Variants in PLD1 observed in about 807,000 individuals in gnomAD.
PLD1 encodes choline phosphatase 1.
A neutral mutation model predicts 137.1 loss-of-function variants in PLD1; 112 were observed. That is an observed-to-expected ratio of 0.82 (90% CI 0.70 to 0.96). PLD1 has a LOEUF of 0.96. PLD1 is among the 40% of genes least tolerant of loss of function. The pLI, the probability that PLD1 is intolerant of heterozygous loss-of-function variation, is 0.00. For synonymous variants in PLD1, 431 were observed against 454.7 expected, an observed-to-expected ratio of 0.95 and a Z score of 0.66; for missense variants, 1,321 against 1,342.0, an observed-to-expected ratio of 0.98 and a Z score of 0.24.
intron 6 of PLD1, among the ~76,000 whole-genome samples, chr3:171,732,404 T>C (rs1363484225): frequency 6.6e-6 from 1 of 152,154 alleles, no homozygotes; most frequent in Non-Finnish European, 1.5e-5. Flanking sequence ...AAGCTGCTGC[T>C]GGAGGCAGGT....
chr3:171,664,494 G>A (rs1250423125), intron 19 of PLD1, among the ~76,000 whole-genome samples: 1 of 147,146 alleles, frequency 6.8e-6, no homozygotes, highest in Non-Finnish European at 1.5e-5. Context: ...GTCTTGTTCT[G>A]TTGCCCAGGC....
intron 12 of PLD1, among the ~76,000 whole-genome samples, chr3:171,697,270 A>T (rs1715821615): frequency 8.2e-6 from 1 of 122,566 alleles, no homozygotes; most frequent in Non-Finnish European, 1.6e-5. Context: ...TTTGAAACAG[A>T]GTCTTGCTCT....
chr3:171,739,378 G>A lies in PLD1; in HGVS notation c.-31-1296C>T, dbSNP rs1163145272. ...TTGGAAATTCAAAAATGGGAGCGAA[G>A]GAGGGAGGTTCTGGTTTGGCCAGAC... On this transcript the variant is annotated intron_variant, in intron 1 of 26. Transcript: ENST00000351298. Among the ~76,000 whole-genome samples the A allele has an allele frequency of 2.6e-5, 4 of 152,158 alleles. No homozygotes were observed. The East Asian group carries it at 5.8e-4, about 22-fold the overall frequency.
intron 15 of PLD1, 126 bp downstream of exon 15, chr3:171,687,245 C>T (rs1486042049): frequency 5.5e-6 from 4 of 728,690 alleles, no homozygotes; most frequent in Admixed American, 5.0e-5. Context: ...AATGATATAG[C>T]GACCTCTCAA....
At position 171,689,919 on chromosome 3, in the gene PLD1, G is replaced by C. The variant is rs557022596; in HGVS notation, c.1339-1043C>G. ...TCAGTGGTATCAGGGTAATGAGTTA[G>C]AGAGTCTTCTCTTCTCCTCAATTTT... On this transcript the variant is annotated intron_variant, in intron 13 of 26. Transcript: ENST00000351298. Among the ~76,000 whole-genome samples the C allele has an allele frequency of 1.6e-4, 25 of 152,328 alleles. No individual in the cohort carries two copies. The South Asian group carries it at 5.0e-3, about 30-fold the overall frequency.
intron 18 of PLD1, among the ~76,000 whole-genome samples, chr3:171,675,271 AG>A (rs1453125689): frequency 6.6e-6 from 1 of 152,234 alleles, no homozygotes; most frequent in Non-Finnish European, 1.5e-5. Context: ...ATCTTGTCAC[AG>A]CAATATAGTG....
At chr3:171,768,482 A>G (rs1057142334) in intron 1 of PLD1, among the ~76,000 whole-genome samples, 2 of 152,244 alleles carry the variant, frequency 1.3e-5, no homozygotes, top group Non-Finnish European at 1.5e-5. Flanking sequence ...GATCAAGACT[A>G]TGTGTGATCA....
chr3:171,682,166 A>AAGAG (rs1553819289), intron 16 of PLD1, among the ~76,000 whole-genome samples: 69 of 29,476 alleles, frequency 2.3e-3, no homozygotes, highest in Middle Eastern at 0.012. Context: ...GAAAGAAAGA[A>AAGAG]AAAGAAAGAA....
At position 171,612,569 on chromosome 3, in the gene PLD1, AGGT is replaced by A; in HGVS notation, c.2729-140_2729-138del. Reference sequence around the variant, plus strand: ...TTCAAGGGAAGATGTGTTTTTAGGGAGGTGGGGCCCTCCCTAACCCAGGGGTGA... The same window carrying A: ...TTCAAGGGAAGATGTGTTTTTAGGGAGGGGCCCTCCCTAACCCAGGGGTGA... On this transcript the variant is annotated intron_variant, in intron 24 of 26. Transcript: ENST00000351298. The surrounding 1 kb of genome is among the most constrained non-coding windows in gnomAD (Gnocchi z 4.1). 1.3e-6 allele frequency: 1 copy of A among 761,338 alleles called. No homozygotes were observed. The highest frequency in any genetic ancestry group is 2.2e-6 in the Non-Finnish European group (1 of 456,646). The allele number at this position is 761,338 out of a possible 1,614,324, so 47.2% of individuals were successfully genotyped here. A position where few individuals can be genotyped will look rare whatever the true frequency, so the allele number is the denominator to read the frequency against.
intron 10 of PLD1, 122 bp from the exon 11 acceptor site, chr3:171,708,960 T>A: frequency 1.6e-6 from 1 of 622,136 alleles, no homozygotes; most frequent in Non-Finnish European, 2.8e-6. Context: ...ATAACCACCA[T>A]TGACTTTGTG....
chr3:171,781,980 A>ATT (rs1722812460), intron 1 of PLD1, among the ~76,000 whole-genome samples: 1 of 152,258 alleles, frequency 6.6e-6, no homozygotes, highest in Non-Finnish European at 1.5e-5. Flanking sequence ...CCGTAGAAAA[A>ATT]TGAATAAACA....
At chr3:171,604,622 A>G (rs1197564159) in intron 26 of PLD1, among the ~76,000 whole-genome samples, 1 of 152,012 alleles carries the variant, frequency 6.6e-6, no homozygotes, top group Non-Finnish European at 1.5e-5. Flanking sequence ...GCAACTCTTA[A>G]CTCTTTTACA....
chr3:171,633,391 C>T (rs1475408393), intron 23 of PLD1, among the ~76,000 whole-genome samples: 3 of 152,000 alleles, frequency 2.0e-5, no homozygotes, highest in Non-Finnish European at 4.4e-5. Flanking sequence ...TTACATAATG[C>T]CATGGAGGTA....
intron 12 of PLD1, among the ~76,000 whole-genome samples, chr3:171,694,899 G>A (rs1715541547): frequency 6.6e-6 from 1 of 152,094 alleles, no homozygotes; most frequent in Non-Finnish European, 1.5e-5. Context: ...TAATTCTAAA[G>A]GAAATAGGGT....
chr3:171,668,250 G>A (rs557922557), intron 19 of PLD1, among the ~76,000 whole-genome samples: 21 of 152,272 alleles, frequency 1.4e-4, no homozygotes, highest in Middle Eastern at 3.4e-3. Flanking sequence ...ACTCACAAAC[G>A]TGTTAGTCCA....
chr3:171,730,822 A>C (rs1578371863), intron 6 of PLD1, among the ~76,000 whole-genome samples: 1 of 152,254 alleles, frequency 6.6e-6, no homozygotes, highest in East Asian at 1.9e-4. Flanking sequence ...TATTTTTAGT[A>C]GAGATGAGGT....
chr3:171,639,623 T>C (rs1378502865), intron 23 of PLD1, among the ~76,000 whole-genome samples: 16 of 70,764 alleles, frequency 2.3e-4, no homozygotes, highest in South Asian at 6.2e-4. Flanking sequence ...ATATATAATA[T>C]ATATTCTATA....
Position 171,642,958 on chromosome 3 carries a change from G to A in PLD1, c.2544-69C>T, listed in dbSNP as rs543169474. The stretch of plus-strand genomic sequence containing the variant: ...CAACCAATCCCATGCAGTATCTGTA[G>A]GTTTAATCCTAACACAAGTAAAAAC... On this transcript the variant is annotated intron_variant, in intron 22 of 26. Transcript: ENST00000351298. The A allele has an allele frequency of 7.2e-5, 60 of 835,076 alleles. No individual in the cohort carries two copies. In the East Asian group the frequency reaches 1.5e-3, roughly 21 times the overall value. The allele number at this position is 835,076 out of a possible 1,614,324, so 51.7% of individuals were successfully genotyped here.
chr3:171,637,658 T>C (rs572235277), intron 23 of PLD1, among the ~76,000 whole-genome samples: 5 of 152,294 alleles, frequency 3.3e-5, no homozygotes, highest in Admixed American at 6.5e-5. Context: ...TTGGGTGATT[T>C]TGTCATTGTT....
Sources: gnomAD v4.1 joint callset for allele counts (sites outside exome capture counted in the v4.1 genomes callset) on GRCh38, gnomAD v4.1.1 for gene constraint, Gnocchi (gnomAD v3.1) non-coding constraint, MANE v1.5 for transcripts, NCBI Gene and HGNC (gene_info 2026-07-23, HGNC 2026-07-21) for gene names.